The following SLC25A21 variants were observed in gnomAD, a reference collection of about 807,000 sequenced individuals.
SLC25A21 encodes the protein mitochondrial 2-oxodicarboxylate carrier.
SLC25A21 carries 47 observed loss-of-function variants against 43.8 expected under a neutral mutation model. That is an observed-to-expected ratio of 1.07 (90% CI 0.85 to 1.37). The LOEUF is 1.37. Ranked by LOEUF, SLC25A21 falls within the 40% of genes most tolerant of loss-of-function variation. SLC25A21 has a pLI of 0.00. For missense variants in SLC25A21, 352 were observed against 350.2 expected, an observed-to-expected ratio of 1.00 and a Z score of -0.04; for synonymous variants, 131 against 121.3, an observed-to-expected ratio of 1.08 and a Z score of -0.52.
intron 3 of SLC25A21, among the ~76,000 whole-genome samples, chr14:36,742,689 C>T (rs529484951): frequency 6.6e-6 from 1 of 152,284 alleles, no homozygotes; most frequent in East Asian, 1.9e-4. Context: ...AAATAAATTT[C>T]AAGGAAGTGC....
At chr14:36,874,851 G>T in intron 2 of SLC25A21, 105 bp downstream of exon 2, 1 of 818,208 alleles carries the variant, frequency 1.2e-6, no homozygotes, top group Non-Finnish European at 1.9e-6. Context: ...TGCCATTACA[G>T]AGAGAAGCTA....
chr14:37,113,325 G>C (rs1963052790), intron 1 of SLC25A21, among the ~76,000 whole-genome samples: 1 of 152,084 alleles, frequency 6.6e-6, no homozygotes, highest in South Asian at 2.1e-4. Context: ...GATTAAATAG[G>C]AAATATTTCT....
intron 1 of SLC25A21, among the ~76,000 whole-genome samples, chr14:37,145,853 T>G (rs1963655637): frequency 6.6e-6 from 1 of 152,190 alleles, no homozygotes; most frequent in Admixed American, 6.5e-5. Context: ...ACAGAATCAA[T>G]GGGACTTGGA....
At chr14:36,738,591 G>T (rs1885134730) in intron 3 of SLC25A21, among the ~76,000 whole-genome samples, 1 of 152,174 alleles carries the variant, frequency 6.6e-6, no homozygotes, top group African/African-American at 2.4e-5. Flanking sequence ...TGACGGCAAA[G>T]GCATCACTCT....
At chr14:36,814,983 G>A (rs1888403975) in intron 2 of SLC25A21, among the ~76,000 whole-genome samples, 1 of 152,192 alleles carries the variant, frequency 6.6e-6, no homozygotes, top group Non-Finnish European at 1.5e-5. Context: ...GGAATACTAT[G>A]CAGCAATAAA....
Position 37,095,251 on chromosome 14 carries a change from C to G in SLC25A21, c.70+77030G>C, listed in dbSNP as rs138887921. On this transcript the variant is annotated intron_variant, in intron 1 of 9. Coordinates refer to ENST00000331299, the MANE Select transcript of SLC25A21 (RefSeq NM_030631.4). The stretch of plus-strand genomic sequence containing the variant: ...TACACTATTCGGCCAGGCGTGGTGG[C>G]ACATGCCTGTAATCCTGGCACGGTG... Among the ~76,000 whole-genome samples the G allele has an allele frequency of 4.2e-3, 637 of 152,256 alleles. 6 individuals are homozygous for G. The highest frequency in any genetic ancestry group is 0.015 in the African/African-American group (613 of 41,546).
intron 1 of SLC25A21, among the ~76,000 whole-genome samples, chr14:37,104,653 G>A (rs1277932158): frequency 1.3e-5 from 2 of 152,078 alleles, no homozygotes; most frequent in Non-Finnish European, 2.9e-5. Context: ...CATTGAATGT[G>A]CACACAAAAC....
intron 1 of SLC25A21, among the ~76,000 whole-genome samples, chr14:37,062,865 C>T (rs997889523): frequency 3.9e-5 from 6 of 152,276 alleles, no homozygotes; most frequent in Admixed American, 1.3e-4. Context: ...CTTGAACACA[C>T]GGTACCTTGA....
intron 1 of SLC25A21, among the ~76,000 whole-genome samples, chr14:37,048,246 C>A (rs1470680596): frequency 6.6e-6 from 1 of 152,106 alleles, no homozygotes; most frequent in Non-Finnish European, 1.5e-5. Context: ...AGAACAGTAA[C>A]ACATTTAGAT....
chr14:36,995,537 T>C (rs1960353887), intron 1 of SLC25A21, among the ~76,000 whole-genome samples: 1 of 152,244 alleles, frequency 6.6e-6, no homozygotes, highest in Non-Finnish European at 1.5e-5. Flanking sequence ...TTCATCAATC[T>C]ATTAAGATTT....
At chr14:36,751,023 G>A (rs960696281) in intron 3 of SLC25A21, among the ~76,000 whole-genome samples, 3 of 151,480 alleles carry the variant, frequency 2.0e-5, no homozygotes, top group African/African-American at 7.4e-5. Context: ...GCGGGCTAGA[G>A]GGGCTTTGTT....
chr14:36,954,559 A>G (rs1313974327), intron 1 of SLC25A21, among the ~76,000 whole-genome samples: 1 of 151,986 alleles, frequency 6.6e-6, no homozygotes, highest in African/African-American at 2.4e-5. Context: ...AAATTCATAT[A>G]TATGTATCAT....
chr14:37,076,656 T>C (rs143570129), intron 1 of SLC25A21, among the ~76,000 whole-genome samples: 39 of 151,836 alleles, frequency 2.6e-4, no homozygotes, highest in African/African-American at 8.0e-4. Flanking sequence ...GCCCGGCTAA[T>C]TTTGTATTTT....
chr14:37,083,911 A>G (rs1278759903), intron 1 of SLC25A21, among the ~76,000 whole-genome samples: 1 of 152,234 alleles, frequency 6.6e-6, no homozygotes, highest in Admixed American at 6.5e-5. Flanking sequence ...GCTCACTTGC[A>G]TTTAATAAAT....
At chr14:36,827,813 T>C (rs949465769) in intron 2 of SLC25A21, among the ~76,000 whole-genome samples, 4 of 152,204 alleles carry the variant, frequency 2.6e-5, no homozygotes, top group Admixed American at 2.6e-4. Context: ...AAAACAGCTA[T>C]GTGGTTTCTG....
intron 2 of SLC25A21, among the ~76,000 whole-genome samples, chr14:36,872,890 A>G (rs1468552320): frequency 1.3e-5 from 2 of 152,200 alleles, no homozygotes; most frequent in Non-Finnish European, 2.9e-5. Flanking sequence ...ATGAGATCTC[A>G]ATTAGCTAAT....
At chr14:37,095,843 C>CAA (rs71124789) in intron 1 of SLC25A21, among the ~76,000 whole-genome samples, 58 of 24,494 alleles carry the variant, frequency 2.4e-3, no homozygotes, top group Admixed American at 6.8e-3. Flanking sequence ...CACACACACA[C>CAA]AAAAAACACC....
chr14:37,024,380 T>C (rs1371486575), intron 1 of SLC25A21, among the ~76,000 whole-genome samples: 1 of 152,028 alleles, frequency 6.6e-6, no homozygotes, highest in Non-Finnish European at 1.5e-5. Context: ...AGTGTGTTGA[T>C]GGTTCTATGA....
At chr14:37,116,439 A>G (rs1963108115) in intron 1 of SLC25A21, among the ~76,000 whole-genome samples, 1 of 152,206 alleles carries the variant, frequency 6.6e-6, no homozygotes. Flanking sequence ...TTACATTTGA[A>G]GTCCTTGGAC....
Sources: allele counts gnomAD v4.1 joint callset (sites outside exome capture counted in the v4.1 genomes callset), GRCh38; gene constraint gnomAD v4.1.1; transcripts MANE v1.5; gene names NCBI Gene and HGNC (gene_info 2026-07-23, HGNC 2026-07-21).